KANSL1: variants seen among roughly 807,000 people sequenced by gnomAD.
KANSL1 encodes MLL1/MLL complex subunit KANSL1.
A neutral mutation model predicts 103.6 loss-of-function variants in KANSL1; 22 were observed. That is an observed-to-expected ratio of 0.21 (90% confidence interval 0.15 to 0.30). KANSL1 has a LOEUF of 0.30. KANSL1 is among the 10% of genes least tolerant of loss of function. The probability of loss-of-function intolerance (pLI) is 1.00; values close to 1 mark genes in which losing one functional copy is unlikely to be tolerated. For synonymous variants in KANSL1, 600 were observed against 527.6 expected, an observed-to-expected ratio of 1.14 and a Z score of -1.88; for missense variants, 1,337 against 1,399.8, an observed-to-expected ratio of 0.96 and a Z score of 0.72.
intron 3 of KANSL1, chr17:46,093,224 C>T (rs1225945701): frequency 6.6e-6 from 1 of 152,240 alleles, no homozygotes; most frequent in Non-Finnish European, 1.5e-5. Context: ...CAGTCACCTC[C>T]TAGTTATTCT....
chr17:46,163,459 C>T (rs779275136), intron 2 of KANSL1, among the ~76,000 whole-genome samples: 32 of 152,200 alleles, frequency 2.1e-4, no homozygotes, highest in Non-Finnish European at 4.6e-4. Context: ...AACTCCTAGG[C>T]TCAACCCATC....
intron 7 of KANSL1, among the ~76,000 whole-genome samples, chr17:46,047,311 A>G (rs955730601): frequency 6.6e-6 from 1 of 152,232 alleles, no homozygotes; most frequent in Non-Finnish European, 1.5e-5. Flanking sequence ...TCTCTCTAGG[A>G]CAAGGGTTAG....
intron 2 of KANSL1, among the ~76,000 whole-genome samples, chr17:46,152,586 G>C (rs959030906): frequency 8.9e-5 from 13 of 145,582 alleles, no homozygotes; most frequent in African/African-American, 1.3e-4. Context: ...ACACAAAGGG[G>C]GGGGGGGGAT....
At chr17:46,093,314 C>T (rs2079487376) in intron 3 of KANSL1, 1 of 152,510 alleles carries the variant, frequency 6.6e-6, no homozygotes, top group Non-Finnish European at 1.5e-5. Flanking sequence ...AAAATATGCA[C>T]CAAATCTAGA....
Position 46,172,150 on chromosome 17 carries a change from C to G in KANSL1, c.-7G>C, listed in dbSNP as rs764167220. Reference sequence around the variant, plus strand: ...CGGGCGCCATCGCAGCCATTCAGCACAGAGAGACAGGAAGTCCAGCCTCTC... The same window carrying G: ...CGGGCGCCATCGCAGCCATTCAGCAGAGAGAGACAGGAAGTCCAGCCTCTC... On this transcript the variant is annotated 5_prime_UTR_variant, in exon 2 of 15. Transcript: ENST00000432791. The G allele has an allele frequency of 1.2e-5, 20 of 1,600,640 alleles. No individual in the cohort carries two copies. Among genetic ancestry groups the G allele is most frequent in the Admixed American group, 1.7e-5 (1 of 59,798 alleles).
chr17:46,099,151 G>A (rs2042202658), intron 2 of KANSL1, among the ~76,000 whole-genome samples: 1 of 131,308 alleles, frequency 7.6e-6, no homozygotes, highest in African/African-American at 2.5e-5. Flanking sequence ...GTGAAACCCC[G>A]TCTCTACTAA....
rs543528556 is a variant in KANSL1, at chr17:46,169,246, A to G, written c.1289+1609T>C. On this transcript the variant is annotated intron_variant, in intron 2 of 14. Transcript: ENST00000432791. ...AATTAAGCTACTAATCCATTTAAAG[A>G]AAGATGGGTTACGGAAGAAGCAAGC... is the stretch of plus-strand genomic sequence containing the variant. Among the ~76,000 whole-genome samples the G allele has an allele frequency of 2.6e-5, 4 of 152,378 alleles. No individual in the cohort carries two copies. The South Asian group carries it at 8.3e-4, about 32-fold the overall frequency.
At chr17:46,198,192 T>G (rs1376652315), upstream of KANSL1, among the ~76,000 whole-genome samples, 1 of 152,196 alleles carries the variant, frequency 6.6e-6, no homozygotes. Flanking sequence ...TAATCCTGCC[T>G]CCCTCACTTA....
chr17:46,136,345 T>A (rs1158341115), intron 2 of KANSL1, among the ~76,000 whole-genome samples: 1 of 152,238 alleles, frequency 6.6e-6, no homozygotes, highest in African/African-American at 2.4e-5. Flanking sequence ...CCACAAGGCT[T>A]GGATTAGGTT....
chr17:46,102,502 A>G (rs1006623150), intron 2 of KANSL1, among the ~76,000 whole-genome samples: 2 of 152,176 alleles, frequency 1.3e-5, no homozygotes, highest in Non-Finnish European at 2.9e-5. Flanking sequence ...CGTCTGCCTC[A>G]GCCTCCCAAA....
chr17:46,158,397 T>G (rs1417590613), intron 2 of KANSL1, among the ~76,000 whole-genome samples: 1 of 151,644 alleles, frequency 6.6e-6, no homozygotes, highest in Non-Finnish European at 1.5e-5. Context: ...TCTCGCTCAG[T>G]CGCCCAGCTG....
chr17:46,146,020 G>T lies in KANSL1; in HGVS notation c.1289+24835C>A, dbSNP rs112590061. On this transcript the variant is annotated intron_variant, in intron 2 of 14. Coordinates refer to ENST00000432791, the MANE Select transcript of KANSL1 (RefSeq NM_015443.4). ...GCTGGGATTACAGGTGTGAGCCACC[G>T]TGCCAGCCCATACTAGCTTTTCTGA... 6.6e-3 allele frequency among the ~76,000 whole-genome samples: 1,010 copies of T among 152,174 alleles called. 2 individuals carry two copies. Among genetic ancestry groups the T allele is most frequent in the Middle Eastern group, 0.01 (3 of 294 alleles).
intron 2 of KANSL1, among the ~76,000 whole-genome samples, chr17:46,098,358 T>G (rs2042169268): frequency 6.6e-6 from 1 of 152,218 alleles, no homozygotes; most frequent in South Asian, 2.1e-4. Context: ...CCTCCTTAGC[T>G]GCTCTTCCCA....
At chr17:46,036,487 T>C (rs1425449136) in intron 10 of KANSL1, among the ~76,000 whole-genome samples, 1 of 152,234 alleles carries the variant, frequency 6.6e-6, no homozygotes, top group Non-Finnish European at 1.5e-5. Context: ...CTCTAAACAA[T>C]ACAGCATACT....
At chr17:46,196,614 T>C (rs1236605232), upstream of KANSL1, 1 of 332,566 alleles carries the variant, frequency 3.0e-6, no homozygotes, top group East Asian at 8.3e-5. Context: ...ACAATTTGTA[T>C]GACTTCTGGA....
In KANSL1 at chr17:46,172,147, G is replaced by A. The variant is rs758798544; in HGVS notation, c.-4C>T. The A allele has an allele frequency of 1.2e-6, 2 of 1,601,418 alleles. No homozygotes were observed. The highest frequency in any genetic ancestry group is 1.1e-5 in the South Asian group (1 of 90,972). On this transcript the variant is annotated 5_prime_UTR_variant, in exon 2 of 15. Transcript: ENST00000432791. Reference sequence around the variant, plus strand: ...GAGCGGGCGCCATCGCAGCCATTCAGCACAGAGAGACAGGAAGTCCAGCCT... The same window carrying A: ...GAGCGGGCGCCATCGCAGCCATTCAACACAGAGAGACAGGAAGTCCAGCCT...
At chr17:46,079,765 T>A (rs1274888834) in intron 4 of KANSL1, among the ~76,000 whole-genome samples, 1 of 152,218 alleles carries the variant, frequency 6.6e-6, no homozygotes, top group African/African-American at 2.4e-5. Context: ...TTGCTTGTGC[T>A]GAGGAGTTTG....
intron 6 of KANSL1, among the ~76,000 whole-genome samples, chr17:46,051,967 A>G (rs1286576852): frequency 6.6e-6 from 1 of 152,224 alleles, no homozygotes; most frequent in East Asian, 1.9e-4. Flanking sequence ...GAAGCCACTG[A>G]AAGGGAGTGA....
chr17:46,087,444 G>A (rs370103808), intron 3 of KANSL1, among the ~76,000 whole-genome samples: 1 of 152,198 alleles, frequency 6.6e-6, no homozygotes, highest in South Asian at 2.1e-4. Context: ...GTAGGTAAGA[G>A]TCATTCATGC....
Sources: allele counts gnomAD v4.1 joint callset (sites outside exome capture counted in the v4.1 genomes callset), GRCh38; gene constraint gnomAD v4.1.1; transcripts MANE v1.5; gene names NCBI Gene and HGNC (gene_info 2026-07-23, HGNC 2026-07-21).